Variants in PTPRM observed in about 807,000 individuals in gnomAD.
The protein encoded by PTPRM is receptor-type tyrosine-protein phosphatase mu.
PTPRM carries 47 observed loss-of-function variants against 186.7 expected under a neutral mutation model. That is an observed-to-expected ratio of 0.25 (90% CI 0.20 to 0.32). The LOEUF (loss-of-function observed/expected upper bound fraction) is 0.32. Ranked by LOEUF, PTPRM falls within the 10% of genes least tolerant of loss-of-function variation. The pLI is 1.00. For synonymous variants in PTPRM, 668 were observed against 674.9 expected (o/e 0.99, Z 0.16); for missense variants, 1,494 against 1,865.0 (o/e 0.80, Z 3.66).
At chr18:8,113,816 A>G (rs2091853150) in intron 12 of PTPRM, 57 bp downstream of exon 12, 1 of 1,455,502 alleles carries the variant, frequency 6.9e-7, no homozygotes, top group Admixed American at 2.2e-5. Flanking sequence ...ATGTGAACAT[A>G]GATTAAGTAA....
intron 19 of PTPRM, among the ~76,000 whole-genome samples, chr18:8,271,131 T>A (rs2094766817): frequency 6.6e-6 from 1 of 152,138 alleles, no homozygotes; most frequent in African/African-American, 2.4e-5. Flanking sequence ...CAAGTACCCT[T>A]AATAGCTTGT....
At chr18:7,986,629 T>A (rs1221403597) in intron 7 of PTPRM, among the ~76,000 whole-genome samples, 1 of 152,244 alleles carries the variant, frequency 6.6e-6, no homozygotes. Flanking sequence ...AACATCCATA[T>A]GCAAGTGCAG....
At chr18:8,214,893 C>T (rs574600575) in intron 14 of PTPRM, among the ~76,000 whole-genome samples, 8 of 152,158 alleles carry the variant, frequency 5.3e-5, no homozygotes, top group Non-Finnish European at 1.0e-4. Flanking sequence ...AAACTCCTGA[C>T]CTCAAGTGAT....
At chr18:8,070,335 T>A (rs1488335941) in intron 8 of PTPRM, among the ~76,000 whole-genome samples, 1 of 152,196 alleles carries the variant, frequency 6.6e-6, no homozygotes, top group African/African-American at 2.4e-5. Context: ...AAAATTGTTG[T>A]TTTGGGTATT....
intron 14 of PTPRM, among the ~76,000 whole-genome samples, chr18:8,165,733 A>C (rs2093313063): frequency 6.6e-6 from 1 of 152,204 alleles, no homozygotes; most frequent in African/African-American, 2.4e-5. Flanking sequence ...TTTACTAGTA[A>C]CAGTGAGGGT....
intron 14 of PTPRM, among the ~76,000 whole-genome samples, chr18:8,150,825 G>T (rs942378302): frequency 2.0e-5 from 3 of 152,072 alleles, no homozygotes; most frequent in Admixed American, 6.6e-5. Context: ...TTCAGATGGG[G>T]TCTTTGAGTG....
At chr18:7,993,498 G>T (rs537900280) in intron 7 of PTPRM, among the ~76,000 whole-genome samples, 66 of 152,162 alleles carry the variant, frequency 4.3e-4, no homozygotes, top group African/African-American at 1.5e-3. Context: ...TCACATGTAA[G>T]AGAATTCCCA....
intron 1 of PTPRM, among the ~76,000 whole-genome samples, chr18:7,581,250 CTA>C (rs1268261979): frequency 6.6e-6 from 1 of 152,184 alleles, no homozygotes; most frequent in Non-Finnish European, 1.5e-5. Context: ...TCTTTTCTCT[CTA>C]TGTGATGTTT....
At position 8,102,963 on chromosome 18, in the gene PTPRM, G is replaced by A. The variant is rs540111791; in HGVS notation, c.1857-10523G>A. ...TGAAAACAGCATTCATCCCATGTAC[G>A]TCTCCATCAGAGCTCATGGGTGATC... is the stretch of plus-strand genomic sequence containing the variant. On this transcript the variant is annotated intron_variant, in intron 11 of 32. Coordinates refer to ENST00000580170, the MANE Select transcript of PTPRM (RefSeq NM_001105244.2). Among the ~76,000 whole-genome samples the A allele has an allele frequency of 1.6e-4, 25 of 152,322 alleles. 1 individual carries two copies. Among genetic ancestry groups the A allele is most frequent in the South Asian group, 4.1e-4 (2 of 4,832 alleles).
intron 2 of PTPRM, among the ~76,000 whole-genome samples, chr18:7,811,175 A>G (rs569601383): frequency 2.0e-5 from 3 of 152,360 alleles, no homozygotes; most frequent in South Asian, 4.1e-4. Flanking sequence ...GCGTGGCTCA[A>G]TAAAGTGGCA....
At chr18:7,751,453 A>G (rs1024207162) in intron 1 of PTPRM, 2 of 152,096 alleles carry the variant, frequency 1.3e-5, no homozygotes, top group Non-Finnish European at 2.9e-5. Flanking sequence ...GCCTTTATTG[A>G]CCATGCCATT....
chr18:7,880,932 G>C (rs1362275097), intron 2 of PTPRM, among the ~76,000 whole-genome samples: 5 of 152,170 alleles, frequency 3.3e-5, no homozygotes, highest in Non-Finnish European at 7.3e-5. Flanking sequence ...GCATTTGTGG[G>C]CTCTGATGTC....
intron 1 of PTPRM, among the ~76,000 whole-genome samples, chr18:7,597,908 A>G (rs1431874743): frequency 1.3e-5 from 2 of 152,200 alleles, no homozygotes; most frequent in South Asian, 2.1e-4. Context: ...TGGACAATTC[A>G]GGGTCATCTG....
In PTPRM at chr18:8,013,048, TGGAGGA is replaced by T. The variant is rs369832878; in HGVS notation, c.1133-56634_1133-56629del. Among the ~76,000 whole-genome samples the T allele has an allele frequency of 2.9e-3, 445 of 152,202 alleles. 2 individuals are homozygous for T. The highest frequency in any genetic ancestry group is 0.01 in the African/African-American group (434 of 41,526). ...CTCCTGTCAAGAAGGGAGGGGAAGA[TGGAGGA>T]GGACTTCAGTTAAGTAAGTCCCCTA... is the stretch of plus-strand genomic sequence containing the variant. On this transcript the variant is annotated intron_variant, in intron 7 of 32. Transcript: ENST00000580170.
chr18:8,097,201 T>C (rs972400616), intron 11 of PTPRM, among the ~76,000 whole-genome samples: 1 of 152,230 alleles, frequency 6.6e-6, no homozygotes, highest in African/African-American at 2.4e-5. Context: ...AAGTATATTA[T>C]ATTATGCTTG....
intron 4 of PTPRM, among the ~76,000 whole-genome samples, chr18:7,923,810 T>A (rs2051010323): frequency 2.0e-5 from 3 of 152,174 alleles, no homozygotes; most frequent in Non-Finnish European, 4.4e-5. Flanking sequence ...TCAGATAAGA[T>A]TTCTTTCTGC....
intron 7 of PTPRM, among the ~76,000 whole-genome samples, chr18:7,987,761 T>C (rs1201591594): frequency 6.6e-6 from 1 of 152,182 alleles, no homozygotes; most frequent in Non-Finnish European, 1.5e-5. Context: ...ATTAAAACCA[T>C]TTTTTCAGAG....
chr18:7,965,148 C>T (rs1052471480), intron 7 of PTPRM, among the ~76,000 whole-genome samples: 2 of 150,748 alleles, frequency 1.3e-5, no homozygotes, highest in Admixed American at 6.7e-5. Context: ...CAGTTACAAG[C>T]GATTCTTCTG....
chr18:8,071,207 TCTC>T (rs945980988), intron 8 of PTPRM, among the ~76,000 whole-genome samples: 1 of 152,208 alleles, frequency 6.6e-6, no homozygotes, highest in African/African-American at 2.4e-5. Flanking sequence ...TCCAACTCTC[TCTC>T]ATCTCCCAGA....
Sources: gnomAD v4.1 joint callset for allele counts (sites outside exome capture counted in the v4.1 genomes callset) on GRCh38, gnomAD v4.1.1 for gene constraint, MANE v1.5 for transcripts, NCBI Gene and HGNC (gene_info 2026-07-23, HGNC 2026-07-21) for gene names.